Variants in CACNA2D3 observed in about 807,000 individuals in gnomAD.
The protein encoded by CACNA2D3 is voltage-dependent calcium channel subunit alpha-2/delta-3.
CACNA2D3 carries 60 observed loss-of-function variants against 160.6 expected under a neutral mutation model. The observed-to-expected ratio is 0.37, with a 90% CI of 0.30 to 0.46. CACNA2D3 has a LOEUF of 0.46. CACNA2D3 is among the 20% of genes least tolerant of loss of function. CACNA2D3 has a pLI of 1.00. For synonymous variants in CACNA2D3, 558 were observed against 492.9 expected, an observed-to-expected ratio of 1.13 and a Z score of -1.75; for missense variants, 1,205 against 1,365.0, an observed-to-expected ratio of 0.88 and a Z score of 1.85.
Position 54,663,053 on chromosome 3 carries a change from T to C in CACNA2D3, c.1167+20812T>C, listed in dbSNP as rs186732587. Among the ~76,000 whole-genome samples, 11 of 152,238 alleles carry C rather than the reference T, an allele frequency of 7.2e-5. No individual in the cohort carries two copies. In the East Asian group the frequency reaches 2.1e-3, roughly 29 times the overall value. On this transcript the variant is annotated intron_variant, in intron 11 of 37. Transcript: ENST00000474759. ...CAATGAGGGAAATGGGATAAAATTA[T>C]TGAGGAGAAAGAACAAGGTGAATGA...
At chr3:54,724,115 A>G (rs972362998) in intron 11 of CACNA2D3, among the ~76,000 whole-genome samples, 2 of 152,230 alleles carry the variant, frequency 1.3e-5, no homozygotes, top group East Asian at 1.9e-4. Context: ...AGGAGTTGCA[A>G]TCCTAATGTC....
At chr3:54,521,316 T>C (rs572866708) in intron 5 of CACNA2D3, among the ~76,000 whole-genome samples, 3 of 152,344 alleles carry the variant, frequency 2.0e-5, no homozygotes, top group African/African-American at 7.2e-5. Context: ...AGGCTTCTTT[T>C]TATGTGCTTA....
intron 11 of CACNA2D3, among the ~76,000 whole-genome samples, chr3:54,750,126 C>A (rs973381929): frequency 6.6e-6 from 1 of 152,210 alleles, no homozygotes; most frequent in Non-Finnish European, 1.5e-5. Flanking sequence ...AGAAGTTTTG[C>A]TGGTGATTCA....
rs113965440 is a variant in CACNA2D3, at chr3:54,923,380, C to T, written c.2449+23512C>T. The stretch of plus-strand genomic sequence containing the variant: ...CCTTTGCGTTCACTATTCCTTCCCC[C>T]AGTTATCTCATGGCTCATTCCTCCT... On this transcript the variant is annotated intron_variant, in intron 27 of 37. Transcript: ENST00000474759. Among the ~76,000 whole-genome samples, 514 of 152,232 alleles carry T rather than the reference C, an allele frequency of 3.4e-3. 1 individual carries two copies. The highest frequency in any genetic ancestry group is 0.012 in the African/African-American group (499 of 41,546).
chr3:54,127,150 A>T (rs866784677), intron 2 of CACNA2D3, among the ~76,000 whole-genome samples: 4 of 152,298 alleles, frequency 2.6e-5, no homozygotes, highest in Admixed American at 6.5e-5. Flanking sequence ...TGTTCACGGG[A>T]ATGAAGGGTT....
At chr3:54,656,324 A>T (rs1241463052) in intron 11 of CACNA2D3, among the ~76,000 whole-genome samples, 3 of 152,174 alleles carry the variant, frequency 2.0e-5, no homozygotes, top group Non-Finnish European at 4.4e-5. Context: ...AAGTGGTTGG[A>T]TGGGAAGTCT....
chr3:54,739,495 G>T (rs750531502), intron 11 of CACNA2D3, among the ~76,000 whole-genome samples: 43 of 150,852 alleles, frequency 2.9e-4, no homozygotes, highest in South Asian at 8.3e-4. Context: ...CATGGAGAGT[G>T]CCTGCAAGGT....
At chr3:54,716,907 AC>A (rs1442288108) in intron 11 of CACNA2D3, among the ~76,000 whole-genome samples, 3 of 102,556 alleles carry the variant, frequency 2.9e-5, no homozygotes, top group Non-Finnish European at 4.7e-5. Context: ...CTTGTGTGGC[AC>A]TTTTTTTTTT....
chr3:54,861,472 T>C (rs1428328763), intron 17 of CACNA2D3, among the ~76,000 whole-genome samples: 2 of 152,044 alleles, frequency 1.3e-5, no homozygotes, highest in Non-Finnish European at 2.9e-5. Flanking sequence ...CAGGGACTTG[T>C]GGAATTCTGG....
intron 23 of CACNA2D3, among the ~76,000 whole-genome samples, chr3:54,886,935 C>CCTTTTTTTTT (rs748130974): frequency 9.3e-6 from 1 of 107,746 alleles, no homozygotes; most frequent in African/African-American, 3.9e-5. Flanking sequence ...CAGCAAAGCT[C>CCTTTTTTTTT]TTTTTTTTTT....
chr3:54,918,980 G>A, intron 27 of CACNA2D3: 1 of 1,066,652 alleles, frequency 9.4e-7, no homozygotes, highest in Non-Finnish European at 1.3e-6. Flanking sequence ...TAGGCAGATG[G>A]AATTTATGAA....
At chr3:54,398,202 T>G (rs1474575802) in intron 4 of CACNA2D3, among the ~76,000 whole-genome samples, 2 of 130,878 alleles carry the variant, frequency 1.5e-5, no homozygotes, top group Non-Finnish European at 3.2e-5. Flanking sequence ...ATTTTGAGCC[T>G]ATGTGTGTCT....
chr3:54,218,777 A>G (rs1231250645), intron 2 of CACNA2D3, among the ~76,000 whole-genome samples: 1 of 152,122 alleles, frequency 6.6e-6, no homozygotes. Flanking sequence ...AGGGAAAAAG[A>G]TATTCCTTGC....
intron 12 of CACNA2D3, among the ~76,000 whole-genome samples, chr3:54,757,337 T>C (rs937785095): frequency 2.0e-5 from 3 of 152,136 alleles, no homozygotes; most frequent in Non-Finnish European, 2.9e-5. Flanking sequence ...AAGGTCATTC[T>C]CTCCTTATCT....
intron 34 of CACNA2D3, among the ~76,000 whole-genome samples, chr3:55,012,005 C>T (rs537175264): frequency 6.6e-6 from 1 of 152,294 alleles, no homozygotes; most frequent in African/African-American, 2.4e-5. Context: ...GCTGTCTCTG[C>T]GGCACCAGTG....
At chr3:54,691,243 A>G (rs1415675800) in intron 11 of CACNA2D3, among the ~76,000 whole-genome samples, 1 of 152,170 alleles carries the variant, frequency 6.6e-6, no homozygotes, top group Non-Finnish European at 1.5e-5. Flanking sequence ...GGCCATGGAA[A>G]TAGCCTTTCT....
At chr3:54,842,279 C>A (rs1270214957) in intron 16 of CACNA2D3, among the ~76,000 whole-genome samples, 3 of 152,324 alleles carry the variant, frequency 2.0e-5, no homozygotes, top group African/African-American at 7.2e-5. Flanking sequence ...GGAAGACTTT[C>A]TCAGGTACAG....
At chr3:54,800,438 C>CG (rs1329020699) in intron 13 of CACNA2D3, among the ~76,000 whole-genome samples, 3 of 152,184 alleles carry the variant, frequency 2.0e-5, no homozygotes, top group Non-Finnish European at 4.4e-5. Context: ...ACTTTTCAGC[C>CG]GGATGATCAC....
chr3:55,009,069 G>A (rs1366112140), intron 33 of CACNA2D3, among the ~76,000 whole-genome samples: 1 of 152,272 alleles, frequency 6.6e-6, no homozygotes, highest in East Asian at 1.9e-4. Flanking sequence ...GCTTTTTACT[G>A]TGGAATCAAA....
Sources: allele counts gnomAD v4.1 joint callset (sites outside exome capture counted in the v4.1 genomes callset), GRCh38; gene constraint gnomAD v4.1.1; transcripts MANE v1.5; gene names NCBI Gene and HGNC (gene_info 2026-07-23, HGNC 2026-07-21).